NR4A2: variants seen among roughly 807,000 people sequenced by gnomAD.
NR4A2 encodes the protein NGFI-B/nur77 beta-type transcription factor homolog.
NR4A2 carries 1 observed loss-of-function variant against 50.5 expected under a neutral mutation model. The ratio of observed to expected loss-of-function variants is 0.02; its 90% confidence interval spans 0.01 to 0.09. The LOEUF is 0.09. Ranked by LOEUF, NR4A2 falls within the 10% of genes least tolerant of loss-of-function variation. NR4A2 has a pLI of 1.00. For synonymous variants in NR4A2, 328 were observed against 309.4 expected, an observed-to-expected ratio of 1.06 and a Z score of -0.63; for missense variants, 613 against 777.3, an observed-to-expected ratio of 0.79 and a Z score of 2.51.
chr2:156,329,892 T>G lies in NR4A2; in HGVS notation c.295A>C (p.Asn99His). ...GGCAGGTGGCTGTGTTGCTGGTAGT[T>G]GTGCATCTGAATGTCTTCTACCTTA... ...SIKVEDIQMH[N>H]YQQHSHLPPQ... is the part of the protein sequence containing the mutation. The change falls in exon 3 of 8, where the codon AAC (asparagine) becomes CAC (histidine). Residue 99 changes from asparagine to histidine, a missense_variant. Asn to His is a moderately conservative substitution (Grantham distance 68). This residue lies in a region of NR4A2 where 275 missense variants were observed against 248.9 expected (regional missense o/e 1.10). Coordinates refer to ENST00000339562, the MANE Select transcript of NR4A2 (RefSeq NM_006186.4). This position sits in a 1 kb window ranked among gnomAD's most constrained non-coding sequence, Gnocchi z 7.5. 6.2e-7 allele frequency: 1 copy of G among 1,614,088 alleles called. No individual in the cohort carries two copies. The highest frequency in any genetic ancestry group is 8.5e-7 in the Non-Finnish European group (1 of 1,180,010).
Position 156,326,741 on chromosome 2 carries a change from C to T in NR4A2, c.1338G>A (p.Leu446=). ...DLLFESAFLE[L]FVLRLAYRSN... is the part of the protein sequence containing the mutation. Reference sequence around the variant, plus strand: ...ACCTGTATGCTAATCGAAGGACAAACAGTTCTAAGAAAGCTGATTCAAAAA... The same window carrying T: ...ACCTGTATGCTAATCGAAGGACAAATAGTTCTAAGAAAGCTGATTCAAAAA... The change falls in exon 6 of 8, where the codon CTG becomes CTA. Residue 446 remains leucine, a synonymous_variant. Coordinates refer to ENST00000339562, the MANE Select transcript of NR4A2 (RefSeq NM_006186.4). The surrounding 1 kb of genome is among the most constrained non-coding windows in gnomAD (Gnocchi z 4.2). The T allele has an allele frequency of 6.2e-7, 1 of 1,614,076 alleles. No individual in the cohort carries two copies.
In NR4A2 at chr2:156,328,755, G is replaced by C. The variant is rs1686770853; in HGVS notation, c.865-222C>G. ...AAGAAAATTGATAGCGTTAACATTT[G>C]AGCTAACCTTGCCGCTCCTTGCTGT... On this transcript the variant is annotated intron_variant, in intron 3 of 7. Coordinates refer to ENST00000339562, the MANE Select transcript of NR4A2 (RefSeq NM_006186.4). This position sits in a 1 kb window ranked among gnomAD's most constrained non-coding sequence, Gnocchi z 4.9. 6.6e-6 allele frequency among the ~76,000 whole-genome samples: 1 copy of C among 151,792 alleles called. No individual in the cohort carries two copies. Among genetic ancestry groups the C allele is most frequent in the Non-Finnish European group, 1.5e-5 (1 of 67,996 alleles).
At position 156,328,995 on chromosome 2, in the gene NR4A2, C is replaced by T. The variant is rs529852197; in HGVS notation, c.864+328G>A. Among the ~76,000 whole-genome samples, 1 of 152,242 alleles carries T rather than the reference C, an allele frequency of 6.6e-6. No homozygotes were observed. The highest frequency in any genetic ancestry group is 6.5e-5 in the Admixed American group (1 of 15,280). On this transcript the variant is annotated intron_variant, in intron 3 of 7. Transcript: ENST00000339562. This position sits in a 1 kb window ranked among gnomAD's most constrained non-coding sequence, Gnocchi z 4.9. ...GTTCTCTGTCCTAACCAATTTCATT[C>T]TGAACAGGGAAGACAGCTCCTAGCA...
chr2:156,327,590 G>C (rs1274214484), intron 5 of NR4A2, among the ~76,000 whole-genome samples: 1 of 152,010 alleles, frequency 6.6e-6, no homozygotes, highest in Non-Finnish European at 1.5e-5. Flanking sequence ...GGGGTAGTGG[G>C]GTAGTGGGAA....
At position 156,332,631 on chromosome 2, in the gene NR4A2, C is replaced by T; in HGVS notation, c.-278G>A. 6 of 588,850 alleles carry T rather than the reference C, an allele frequency of 1.0e-5. No homozygotes were observed. Among genetic ancestry groups the T allele is most frequent in the Non-Finnish European group, 1.7e-5 (6 of 354,224 alleles). The allele number at this position is 588,850 out of a possible 1,614,324, so 36.5% of individuals were successfully genotyped here. ...GAGGGAGGGAGCAGGGACAGGCGGC[C>T]GGCTGGACAGGCAAAAGGGACCGCG... is the stretch of plus-strand genomic sequence containing the variant. On this transcript the variant is annotated 5_prime_UTR_variant, in exon 1 of 8. Coordinates refer to ENST00000339562, the MANE Select transcript of NR4A2 (RefSeq NM_006186.4).
In NR4A2 at chr2:156,324,793, T is replaced by C. The variant is rs2105586794; in HGVS notation, c.*951A>G. 6.5e-6 allele frequency: 1 copy of C among 152,796 alleles called. No individual in the cohort carries two copies. The highest frequency in any genetic ancestry group is 1.9e-4 in the East Asian group (1 of 5,188). 9.5% of individuals were successfully genotyped at this position (152,796 alleles called of 1,614,324 possible). On this transcript the variant is annotated 3_prime_UTR_variant, in exon 8 of 8. Transcript: ENST00000339562. ...AACAAAATAATCAAGATATAAACTT[T>C]CTTTTTATCAACATCAACGGTACAT...
chr2:156,326,344 A>AAG lies in NR4A2; in HGVS notation c.1362-18_1362-17dup, dbSNP rs762397068. 5 of 1,609,352 alleles carry AAG rather than the reference A, an allele frequency of 3.1e-6. No individual in the cohort carries two copies. The highest frequency in any genetic ancestry group is 2.2e-5 in the East Asian group (1 of 44,870). Reference sequence around the variant, plus strand: ...TGGGTTGGACCTGCAATTAATACCAAAGAGAGAGAGGGGAGAAAAAGAGAG... The same window carrying AAG: ...TGGGTTGGACCTGCAATTAATACCAAAGAGAGAGAGAGGGGAGAAAAAGAGAG... On this transcript the variant is annotated splice_polypyrimidine_tract_variant and intron_variant, in intron 6 of 7. Transcript: ENST00000339562. The surrounding 1 kb of genome is among the most constrained non-coding windows in gnomAD (Gnocchi z 4.2).
Position 156,328,290 on chromosome 2 carries a change from T to C in NR4A2, c.994+114A>G. ...GGCAGCTGCAGGGTCCTGGAGGCCATACTGAGGGGGAGTCGGAGATCCCCA... is the reference window on the plus strand; with the variant it reads ...GGCAGCTGCAGGGTCCTGGAGGCCACACTGAGGGGGAGTCGGAGATCCCCA... On this transcript the variant is annotated intron_variant, in intron 4 of 7. Transcript: ENST00000339562. This position sits in a 1 kb window ranked among gnomAD's most constrained non-coding sequence, Gnocchi z 4.9. 6.5e-7 allele frequency: 1 copy of C among 1,545,652 alleles called. No individual in the cohort carries two copies. Among genetic ancestry groups the C allele is most frequent in the Non-Finnish European group, 8.9e-7 (1 of 1,120,604 alleles).
Position 156,328,085 on chromosome 2 carries a change from G to A in NR4A2, c.995-71C>T, listed in dbSNP as rs967464857. 3.2e-6 allele frequency: 5 copies of A among 1,553,208 alleles called. No homozygotes were observed. Among genetic ancestry groups the A allele is most frequent in the Non-Finnish European group, 3.5e-6 (4 of 1,146,380 alleles). ...CCAGCTGCTGCCTCGGTCCCTCCCC[G>A]GGGAAGGCCGCAGCCGCGGGGCACC... On this transcript the variant is annotated intron_variant, in intron 4 of 7. Transcript: ENST00000339562. The surrounding 1 kb of genome is among the most constrained non-coding windows in gnomAD (Gnocchi z 4.9).
chr2:156,326,406 TA>T lies in NR4A2; in HGVS notation c.1362-79del. ...AAACAACTAATTACTTGAAGAGCAA[TA>T]AATGAGGGATTTAAGAGTCACCTAA... On this transcript the variant is annotated intron_variant, in intron 6 of 7. Transcript: ENST00000339562. This position sits in a 1 kb window ranked among gnomAD's most constrained non-coding sequence, Gnocchi z 4.2. The T allele has an allele frequency of 7.6e-7, 1 of 1,320,892 alleles. No homozygotes were observed. Among genetic ancestry groups the T allele is most frequent in the Non-Finnish European group, 1.1e-6 (1 of 914,876 alleles). 81.8% of individuals were successfully genotyped at this position (1,320,892 alleles called of 1,614,324 possible).
chr2:156,329,265 C>G lies in NR4A2; in HGVS notation c.864+58G>C, dbSNP rs918096030. Reference sequence around the variant, plus strand: ...TGGCACCAAGGCAGAGGGCACACTCCGAGGTCCCGGGCACTAGGGGCTCCC... The same window carrying G: ...TGGCACCAAGGCAGAGGGCACACTCGGAGGTCCCGGGCACTAGGGGCTCCC... On this transcript the variant is annotated intron_variant, in intron 3 of 7. Transcript: ENST00000339562. This position sits in a 1 kb window ranked among gnomAD's most constrained non-coding sequence, Gnocchi z 7.5. 6.2e-5 allele frequency: 98 copies of G among 1,572,350 alleles called. No individual in the cohort carries two copies. In the Admixed American group the frequency reaches 7.9e-4, roughly 13 times the overall value.
intron 1 of NR4A2, 93 bp downstream of exon 1, chr2:156,332,387 A>T (rs936180089): frequency 2.7e-6 from 3 of 1,112,146 alleles, no homozygotes; most frequent in African/African-American, 1.6e-5. Flanking sequence ...TCCCACTTCC[A>T]GAGAACCTGT....
rs775946202 is a variant in NR4A2, at chr2:156,327,878, C to T, written c.1131G>A (p.Pro377=). 7.5e-6 allele frequency: 12 copies of T among 1,590,068 alleles called. No homozygotes were observed. Among genetic ancestry groups the T allele is most frequent in the South Asian group, 2.3e-5 (2 of 87,530 alleles). ...ALVRAHVDSN[P]AMTSLDYSRF... is the part of the protein sequence containing the mutation. ...TGGAATAGTCCAGGCTGGTCATAGCCGGGTTGGAGTCGACATGGGCCCTGA... is the reference window on the plus strand; with the variant it reads ...TGGAATAGTCCAGGCTGGTCATAGCTGGGTTGGAGTCGACATGGGCCCTGA... The change falls in exon 5 of 8, where the codon CCG becomes CCA. Residue 377 remains proline, a synonymous_variant. Transcript: ENST00000339562.
rs1558865647 is a variant in NR4A2 at position 156,326,791 on chromosome 2, G to A, written c.1288C>T (p.Leu430=). 5.0e-6 allele frequency: 8 copies of A among 1,614,094 alleles called. No homozygotes were observed. Among genetic ancestry groups the A allele is most frequent in the Non-Finnish European group, 5.9e-6 (7 of 1,180,046 alleles). ...AGCAGGTCTTGGTCGGCTTTGGGCA[G>A]GTCTGCGAAGCCAGGGATCTTCTCT... ...WAEKIPGFAD[L]PKADQDLLFE... is the part of the protein sequence containing the mutation. Residue 430 remains leucine (L), a synonymous_variant, in exon 6 of 8, where the codon CTG becomes TTG. Coordinates refer to ENST00000339562, the MANE Select transcript of NR4A2 (RefSeq NM_006186.4). This position sits in a 1 kb window ranked among gnomAD's most constrained non-coding sequence, Gnocchi z 4.2.
Position 156,326,751 on chromosome 2 carries a change from A to C in NR4A2, c.1328T>G (p.Phe443Cys). The C allele has an allele frequency of 6.2e-7, 1 of 1,614,194 alleles. No individual in the cohort carries two copies. Among genetic ancestry groups the C allele is most frequent in the Non-Finnish European group, 8.5e-7 (1 of 1,180,032 alleles). The change falls in exon 6 of 8, where the codon TTC (phenylalanine) becomes TGC (cysteine). Residue 443 changes from phenylalanine to cysteine, a missense_variant. By Grantham distance (205) the Phe-to-Cys change is radical. Around this residue, in one of 4 missense-constraint regions of NR4A2, gnomAD observed 250 missense variants for 311.3 expected, o/e 0.80. Transcript: ENST00000339562. The surrounding 1 kb of genome is among the most constrained non-coding windows in gnomAD (Gnocchi z 4.2). ...TAATCGAAGGACAAACAGTTCTAAG[A>C]AAGCTGATTCAAAAAGCAGGTCTTG... Reference protein sequence around the residue: ...ADQDLLFESAFLELFVLRLAY... With the variant: ...ADQDLLFESACLELFVLRLAY...
chr2:156,328,091 G>C lies in NR4A2; in HGVS notation c.995-77C>G. On this transcript the variant is annotated intron_variant, in intron 4 of 7. Coordinates refer to ENST00000339562, the MANE Select transcript of NR4A2 (RefSeq NM_006186.4). This position sits in a 1 kb window ranked among gnomAD's most constrained non-coding sequence, Gnocchi z 4.9. Reference sequence around the variant, plus strand: ...GCTGCCTCGGTCCCTCCCCGGGGAAGGCCGCAGCCGCGGGGCACCAGGCTG... The same window carrying C: ...GCTGCCTCGGTCCCTCCCCGGGGAACGCCGCAGCCGCGGGGCACCAGGCTG... 1 of 1,547,950 alleles carries C rather than the reference G, an allele frequency of 6.5e-7. No individual in the cohort carries two copies. Among genetic ancestry groups the C allele is most frequent in the Non-Finnish European group, 8.8e-7 (1 of 1,142,696 alleles).
chr2:156,327,998 A>G lies in NR4A2; in HGVS notation c.1011T>C (p.Ser337=). The G allele has an allele frequency of 6.2e-7, 1 of 1,605,898 alleles. No individual in the cohort carries two copies. Among genetic ancestry groups the G allele is most frequent in the South Asian group, 1.1e-5 (1 of 89,500 alleles). The change falls in exon 5 of 8, where the codon AGT becomes AGC. Residue 337 remains serine, a synonymous_variant. Transcript: ENST00000339562. The part of the protein sequence containing the change: ...GMVKEVVRTD[S]LKGRRGRLPS... ...GCAAACGACCTCTCCGGCCTTTTAAACTGTCTGTGCGAACCACTGCAAAGG... is the reference window on the plus strand; with the variant it reads ...GCAAACGACCTCTCCGGCCTTTTAAGCTGTCTGTGCGAACCACTGCAAAGG...
rs1221888261 is a variant in NR4A2 at position 156,329,009 on chromosome 2, C to A, written c.864+314G>T. Among the ~76,000 whole-genome samples, 1 of 152,228 alleles carries A rather than the reference C, an allele frequency of 6.6e-6. No individual in the cohort carries two copies. Among genetic ancestry groups the A allele is most frequent in the Non-Finnish European group, 1.5e-5 (1 of 68,030 alleles). On this transcript the variant is annotated intron_variant, in intron 3 of 7. Transcript: ENST00000339562. This position sits in a 1 kb window ranked among gnomAD's most constrained non-coding sequence, Gnocchi z 7.5. Reference sequence around the variant, plus strand: ...CCAATTTCATTCTGAACAGGGAAGACAGCTCCTAGCACATGCAAATGACCC... The same window carrying A: ...CCAATTTCATTCTGAACAGGGAAGAAAGCTCCTAGCACATGCAAATGACCC...
In NR4A2 at chr2:156,329,224, G is replaced by GC. The variant is rs912538273; in HGVS notation, c.864+98dup. The GC allele has an allele frequency of 6.6e-6, 10 of 1,506,150 alleles. No homozygotes were observed. Among genetic ancestry groups the GC allele is most frequent in the African/African-American group, 1.4e-5 (1 of 72,360 alleles). 93.3% of individuals were successfully genotyped at this position (1,506,150 alleles called of 1,614,324 possible). The stretch of plus-strand genomic sequence containing the variant: ...CGGAGAGCTGGGCAGTCCCGGGAGA[G>GC]CTGGGGCTGGGCTACTGGCACCAAG... On this transcript the variant is annotated intron_variant, in intron 3 of 7. Transcript: ENST00000339562. This position sits in a 1 kb window ranked among gnomAD's most constrained non-coding sequence, Gnocchi z 7.5.
Sources: gnomAD v4.1 joint callset for allele counts (sites outside exome capture counted in the v4.1 genomes callset) on GRCh38, gnomAD v4.1.1 for gene constraint, gnomAD v4.1.1 regional missense constraint, Gnocchi (gnomAD v3.1) non-coding constraint, MANE v1.5 for transcripts, NCBI Gene and HGNC (gene_info 2026-07-23, HGNC 2026-07-21) for gene names.